The following SEMA3A variants were observed in gnomAD, a reference collection of about 807,000 sequenced individuals.
SEMA3A encodes semaphorin 3A, also known as semaphorin-3A.
A neutral mutation model predicts 97.9 loss-of-function variants in SEMA3A; 29 were observed. That is an observed-to-expected ratio of 0.30 (90% CI 0.22 to 0.40). SEMA3A has a LOEUF of 0.40. SEMA3A is among the 10% of genes least tolerant of loss of function. SEMA3A has a pLI of 1.00. For missense variants in SEMA3A, 763 were observed against 951.3 expected (o/e 0.80, Z 2.60); for synonymous variants, 321 against 323.7 (o/e 0.99, Z 0.09).
intron 1 of SEMA3A, among the ~76,000 whole-genome samples, chr7:84,421,654 T>C (rs1002516180): frequency 1.3e-5 from 2 of 152,112 alleles, no homozygotes; most frequent in Non-Finnish European, 2.9e-5. Context: ...GCTGCTGGTT[T>C]GTCATAAATA....
At chr7:84,449,488 C>T (rs1805506208) in intron 1 of SEMA3A, among the ~76,000 whole-genome samples, 1 of 151,962 alleles carries the variant, frequency 6.6e-6, no homozygotes, top group Non-Finnish European at 1.5e-5. Flanking sequence ...GAAAGAGACA[C>T]CACTACAGAT....
intron 2 of SEMA3A, among the ~76,000 whole-genome samples, chr7:84,317,312 A>G (rs1801533114): frequency 6.6e-6 from 1 of 152,162 alleles, no homozygotes; most frequent in African/African-American, 2.4e-5. Context: ...TTCTACAGAT[A>G]AAAGTACTGT....
intron 12 of SEMA3A, among the ~76,000 whole-genome samples, chr7:84,000,655 T>A (rs1790403511): frequency 6.6e-6 from 1 of 152,136 alleles, no homozygotes; most frequent in Non-Finnish European, 1.5e-5. Flanking sequence ...CCAAATGGAT[T>A]TGTCATGTAG....
At chr7:84,056,745 A>T (rs1434893393) in intron 5 of SEMA3A, among the ~76,000 whole-genome samples, 1 of 152,138 alleles carries the variant, frequency 6.6e-6, no homozygotes, top group East Asian at 1.9e-4. Flanking sequence ...TTCGTTACTT[A>T]TGTTGTTCTT....
intron 3 of SEMA3A, among the ~76,000 whole-genome samples, chr7:84,127,626 A>T (rs1195576736): frequency 1.3e-5 from 2 of 152,190 alleles, no homozygotes; most frequent in East Asian, 3.9e-4. Flanking sequence ...TACAGGTATT[A>T]AGGATGGGGG....
At chr7:84,462,179 T>C (rs1562955558) in intron 1 of SEMA3A, among the ~76,000 whole-genome samples, 1 of 152,128 alleles carries the variant, frequency 6.6e-6, no homozygotes, top group Non-Finnish European at 1.5e-5. Flanking sequence ...ATGTTATTTA[T>C]TGGATGATTT....
chr7:84,307,797 T>C (rs917819936), intron 2 of SEMA3A, among the ~76,000 whole-genome samples: 15 of 152,268 alleles, frequency 9.9e-5, no homozygotes, highest in African/African-American at 3.4e-4. Context: ...ATATACCAAA[T>C]ATTTAAAGTA....
chr7:84,261,771 G>A (rs1182985972), intron 3 of SEMA3A, among the ~76,000 whole-genome samples: 2 of 152,242 alleles, frequency 1.3e-5, no homozygotes, highest in Non-Finnish European at 2.9e-5. Context: ...GGCTGTGCAA[G>A]CTGAGCACAG....
intron 3 of SEMA3A, among the ~76,000 whole-genome samples, chr7:84,293,417 G>A (rs1403099535): frequency 6.6e-6 from 1 of 151,372 alleles, no homozygotes; most frequent in African/African-American, 2.4e-5. Flanking sequence ...TTTTGTATTT[G>A]GCATGTAGAC....
Position 83,961,845 on chromosome 7 carries a change from G to C in SEMA3A, c.1861-19C>G. 6.3e-7 allele frequency: 1 copy of C among 1,578,656 alleles called. No individual in the cohort carries two copies. Among genetic ancestry groups the C allele is most frequent in the Non-Finnish European group, 8.7e-7 (1 of 1,153,732 alleles). ...CTCTGATCTAGCAGGTTAAAAAAAAGGCAGTGTAAAATATACATATTTAAA... is the reference window on the plus strand; with the variant it reads ...CTCTGATCTAGCAGGTTAAAAAAAACGCAGTGTAAAATATACATATTTAAA... On this transcript the variant is annotated intron_variant, in intron 16 of 16. Coordinates refer to ENST00000265362, the MANE Select transcript of SEMA3A (RefSeq NM_006080.3).
intron 13 of SEMA3A, 97 bp from the exon 14 acceptor site, chr7:83,981,575 ATAAAT>A (rs1302564453): frequency 5.4e-5 from 57 of 1,057,838 alleles, no homozygotes; most frequent in Non-Finnish European, 7.3e-5. Context: ...CTTCTCAGAG[ATAAAT>A]TAAGGGTTTA....
intron 2 of SEMA3A, among the ~76,000 whole-genome samples, chr7:84,367,757 T>A (rs1182723063): frequency 2.0e-5 from 3 of 150,942 alleles, no homozygotes; most frequent in Non-Finnish European, 4.5e-5. Flanking sequence ...TAGAGGCAGA[T>A]CCGGTTGAAG....
At chr7:84,050,059 G>T (rs1666603173) in intron 5 of SEMA3A, among the ~76,000 whole-genome samples, 2 of 150,976 alleles carry the variant, frequency 1.3e-5, no homozygotes, top group South Asian at 4.2e-4. Flanking sequence ...ATTTTTTATG[G>T]CTGCATAGTA....
intron 2 of SEMA3A, among the ~76,000 whole-genome samples, chr7:84,335,407 T>C (rs926549236): frequency 1.3e-5 from 2 of 152,140 alleles, no homozygotes; most frequent in African/African-American, 2.4e-5. Flanking sequence ...CAAATATAGG[T>C]TATAGTTGTG....
At chr7:83,985,107 C>A (rs1789573103) in intron 13 of SEMA3A, among the ~76,000 whole-genome samples, 1 of 151,810 alleles carries the variant, frequency 6.6e-6, no homozygotes, top group South Asian at 2.1e-4. Flanking sequence ...CACATAAATA[C>A]ATAATCAGAA....
intron 3 of SEMA3A, among the ~76,000 whole-genome samples, chr7:84,292,476 G>A (rs1425819328): frequency 2.0e-5 from 3 of 150,878 alleles, no homozygotes; most frequent in Non-Finnish European, 4.4e-5. Context: ...CCATTTCTTG[G>A]TGTAAACTCT....
At chr7:84,062,147 G>T (rs1793242459) in intron 4 of SEMA3A, among the ~76,000 whole-genome samples, 1 of 152,106 alleles carries the variant, frequency 6.6e-6, no homozygotes, top group African/African-American at 2.4e-5. Context: ...AATTATGTTA[G>T]TATTACCAGT....
intron 1 of SEMA3A, among the ~76,000 whole-genome samples, chr7:84,385,782 TA>T (rs1471583751): frequency 6.6e-6 from 1 of 152,192 alleles, no homozygotes; most frequent in African/African-American, 2.4e-5. Context: ...CACTTATCTG[TA>T]AAGACCTTTT....
rs529564894 is a variant in SEMA3A, at chr7:83,995,091, C to T, written c.1452+6864G>A. Among the ~76,000 whole-genome samples the T allele has an allele frequency of 2.3e-4, 35 of 152,248 alleles. No homozygotes were observed. The East Asian group carries it at 6.4e-3, about 28-fold the overall frequency. ...GTGACCCGATTTTCCAGGTGCCATC[C>T]GTCACCCCTTTCTTTGACTCGGAAA... On this transcript the variant is annotated intron_variant, in intron 12 of 16. Coordinates refer to ENST00000265362, the MANE Select transcript of SEMA3A (RefSeq NM_006080.3).
Sources: gnomAD v4.1 joint callset for allele counts (sites outside exome capture counted in the v4.1 genomes callset) on GRCh38, gnomAD v4.1.1 for gene constraint, MANE v1.5 for transcripts, NCBI Gene and HGNC (gene_info 2026-07-23, HGNC 2026-07-21) for gene names.